NFIA: variants seen among roughly 807,000 people sequenced by gnomAD.
The protein encoded by NFIA is nuclear factor I A.
Under a neutral mutation model 62.8 loss-of-function variants are expected in NFIA, and 8 were observed. The ratio of observed to expected loss-of-function variants is 0.13; its 90% CI spans 0.07 to 0.23. NFIA has a LOEUF of 0.23. NFIA is among the 10% of genes least tolerant of loss of function. The probability of loss-of-function intolerance (pLI) is 1.00; values close to 1 mark genes in which losing one functional copy is unlikely to be tolerated. For missense variants in NFIA, 410 were observed against 642.1 expected (o/e 0.64, Z 3.91); for synonymous variants, 235 against 238.1 (o/e 0.99, Z 0.12).
At chr1:61,379,434 A>G (rs796552473) in intron 6 of NFIA, among the ~76,000 whole-genome samples, 20 of 113,536 alleles carry the variant, frequency 1.8e-4, no homozygotes, top group African/African-American at 5.8e-4. Flanking sequence ...TTTGAGATGG[A>G]ATCTTGCTCT....
chr1:61,129,009 G>A (rs577680921), intron 2 of NFIA, among the ~76,000 whole-genome samples: 6 of 125,996 alleles, frequency 4.8e-5, no homozygotes, highest in South Asian at 5.6e-4. Flanking sequence ...TGCAAGCTCC[G>A]CCTCCCAGAT....
intron 1 of NFIA, among the ~76,000 whole-genome samples, chr1:61,085,407 T>A (rs1646201318): frequency 6.6e-6 from 1 of 152,166 alleles, no homozygotes; most frequent in Non-Finnish European, 1.5e-5. Flanking sequence ...TTCAAAGTAA[T>A]ACCACTTTTG....
At chr1:61,202,302 G>C (rs930121479) in intron 2 of NFIA, among the ~76,000 whole-genome samples, 14 of 152,280 alleles carry the variant, frequency 9.2e-5, no homozygotes, top group Admixed American at 2.0e-4. Context: ...ATGGAATACA[G>C]GCATGACCTT....
intron 2 of NFIA, among the ~76,000 whole-genome samples, chr1:61,122,563 A>C (rs1265874062): frequency 2.6e-5 from 4 of 152,156 alleles, no homozygotes; most frequent in Non-Finnish European, 5.9e-5. Context: ...AAGGAGTTGC[A>C]AAACACCTTT....
chr1:61,210,175 T>C lies in NFIA; in HGVS notation c.560-67345T>C, dbSNP rs74517453. Among the ~76,000 whole-genome samples the C allele has an allele frequency of 4.6e-3, 694 of 152,306 alleles. 4 individuals carry two copies. Among genetic ancestry groups the C allele is most frequent in the African/African-American group, 0.016 (648 of 41,564 alleles). On this transcript the variant is annotated intron_variant, in intron 2 of 10. Coordinates refer to ENST00000403491, the MANE Select transcript of NFIA (RefSeq NM_001134673.4). ...GTATAATACCTTTGGGTTCCTTAGC[T>C]CAGGGCTGTCTCATTTCTGCAGCAG...
intron 2 of NFIA, among the ~76,000 whole-genome samples, chr1:61,120,133 G>T (rs767260431): frequency 6.6e-6 from 1 of 152,114 alleles, no homozygotes; most frequent in Admixed American, 6.5e-5. Flanking sequence ...AAATCTTGTG[G>T]TGTACACTTG....
chr1:61,175,136 T>G (rs554219308), intron 2 of NFIA, among the ~76,000 whole-genome samples: 3 of 151,604 alleles, frequency 2.0e-5, no homozygotes, highest in South Asian at 4.2e-4. Flanking sequence ...TTGATTATTA[T>G]TATTATTATT....
intron 2 of NFIA, among the ~76,000 whole-genome samples, chr1:61,183,525 A>ACCAGTGG (rs1029005854): frequency 2.6e-5 from 4 of 152,236 alleles, no homozygotes; most frequent in Admixed American, 1.3e-4. Flanking sequence ...CACCCCAGCG[A>ACCAGTGG]CCAGTGGCCA....
intron 2 of NFIA, among the ~76,000 whole-genome samples, chr1:61,219,982 T>TA (rs1653918966): frequency 6.6e-6 from 1 of 152,030 alleles, no homozygotes; most frequent in African/African-American, 2.4e-5. Flanking sequence ...AATAAATAAA[T>TA]AAATAAATAA....
chr1:61,439,038 C>CACCT (rs1553121856), intron 10 of NFIA, among the ~76,000 whole-genome samples: 54 of 150,034 alleles, frequency 3.6e-4, no homozygotes, highest in African/African-American at 1.4e-3. Context: ...CACACACACA[C>CACCT]ACCTGCTACA....
chr1:61,215,103 A>C (rs1169819179), intron 2 of NFIA, among the ~76,000 whole-genome samples: 1 of 152,160 alleles, frequency 6.6e-6, no homozygotes, highest in African/African-American at 2.4e-5. Flanking sequence ...TTTAAAACTG[A>C]AAAAAATAGT....
intron 2 of NFIA, among the ~76,000 whole-genome samples, chr1:61,188,078 C>T (rs1321722524): frequency 6.6e-6 from 1 of 152,134 alleles, no homozygotes; most frequent in Middle Eastern, 3.4e-3. Flanking sequence ...GACAGAGTCT[C>T]GCTCTGTCAC....
At chr1:61,243,387 A>G (rs563619949) in intron 2 of NFIA, among the ~76,000 whole-genome samples, 3 of 152,190 alleles carry the variant, frequency 2.0e-5, no homozygotes, top group South Asian at 2.1e-4. Context: ...TTTCTTGCCA[A>G]TTCTTACATA....
At chr1:61,332,732 C>A in intron 4 of NFIA, 146 bp downstream of exon 4, 2 of 621,496 alleles carry the variant, frequency 3.2e-6, no homozygotes, top group Non-Finnish European at 5.5e-6. Flanking sequence ...GTTTGTTTGA[C>A]AACCAAGAAT....
At chr1:61,268,869 C>T (rs1243201010) in intron 2 of NFIA, among the ~76,000 whole-genome samples, 1 of 151,956 alleles carries the variant, frequency 6.6e-6, no homozygotes, top group African/African-American at 2.4e-5. Context: ...GCAAGGGGAC[C>T]CTGGATGCAT....
intron 3 of NFIA, among the ~76,000 whole-genome samples, chr1:61,320,301 G>A (rs1227428801): frequency 6.6e-6 from 1 of 152,060 alleles, no homozygotes; most frequent in African/African-American, 2.4e-5. Flanking sequence ...AAAGTATTGT[G>A]ACCCACATGA....
intron 7 of NFIA, among the ~76,000 whole-genome samples, chr1:61,399,801 A>C (rs1240629939): frequency 1.3e-5 from 2 of 152,178 alleles, no homozygotes; most frequent in Admixed American, 6.5e-5. Flanking sequence ...ACTCCTCTTA[A>C]GAGCACTCTT....
chr1:61,450,099 G>A (rs760215783), intron 10 of NFIA, among the ~76,000 whole-genome samples: 1 of 152,200 alleles, frequency 6.6e-6, no homozygotes, highest in Non-Finnish European at 1.5e-5. Context: ...CTGGTATCAT[G>A]AAGGGTCTAG....
At chr1:61,135,278 G>A (rs969255487) in intron 2 of NFIA, among the ~76,000 whole-genome samples, 6 of 152,210 alleles carry the variant, frequency 3.9e-5, no homozygotes, top group Non-Finnish European at 7.3e-5. Flanking sequence ...CTGAGGCCCA[G>A]GTAGCCCAGA....
Sources: gnomAD v4.1 joint callset for allele counts (sites outside exome capture counted in the v4.1 genomes callset) on GRCh38, gnomAD v4.1.1 for gene constraint, MANE v1.5 for transcripts, NCBI Gene and HGNC (gene_info 2026-07-23, HGNC 2026-07-21) for gene names.